The following MAP9 variants were observed in gnomAD, a reference collection of about 807,000 sequenced individuals.
MAP9 encodes the protein microtubule-associated protein 9.
A neutral mutation model predicts 75.2 loss-of-function variants in MAP9; 80 were observed. That is an observed-to-expected ratio of 1.06 (90% confidence interval 0.89 to 1.28). The LOEUF is 1.28. Ranked by LOEUF, MAP9 falls within the 50% of genes most tolerant of loss-of-function variation. The pLI, the probability that MAP9 is intolerant of heterozygous loss-of-function variation, is 0.00. For missense variants in MAP9, 753 were observed against 719.9 expected (o/e 1.05, Z -0.53); for synonymous variants, 235 against 237.3 (o/e 0.99, Z 0.09).
chr4:155,354,970 T>C, intron 10 of MAP9, 101 bp downstream of exon 10: 1 of 524,868 alleles, frequency 1.9e-6, no homozygotes, highest in Non-Finnish European at 3.4e-6. Flanking sequence ...ATATACAAGT[T>C]ATTTTGCCAT....
chr4:155,353,908 T>C (rs1205755791), intron 10 of MAP9, among the ~76,000 whole-genome samples: 1 of 152,208 alleles, frequency 6.6e-6, no homozygotes, highest in Non-Finnish European at 1.5e-5. Flanking sequence ...GCAAGTTATG[T>C]TATTATTTTA....
chr4:155,374,927 T>G lies in MAP9; in HGVS notation c.160+10A>C. ...AGAAAAGTGGTTCACGTTTCCATACTGTCACATACCAATCTCATCACTGTC... is the reference window on the plus strand; with the variant it reads ...AGAAAAGTGGTTCACGTTTCCATACGGTCACATACCAATCTCATCACTGTC... On this transcript the variant is annotated intron_variant, in intron 3 of 13. Transcript: ENST00000311277. 1 of 1,519,128 alleles carries G rather than the reference T, an allele frequency of 6.6e-7. No individual in the cohort carries two copies. Among genetic ancestry groups the G allele is most frequent in the Non-Finnish European group, 9.0e-7 (1 of 1,115,814 alleles). The allele number at this position is 1,519,128 out of a possible 1,614,324, so 94.1% of individuals were successfully genotyped here. A position where few individuals can be genotyped will look rare whatever the true frequency, so the allele number is the denominator to read the frequency against.
In MAP9 at chr4:155,355,933, T is replaced by A. The variant is rs773040705; in HGVS notation, c.1122-49A>T. 6.7e-6 allele frequency: 10 copies of A among 1,491,154 alleles called. No individual in the cohort carries two copies. In the Admixed American group the frequency reaches 9.0e-5, roughly 13 times the overall value. The allele number at this position is 1,491,154 out of a possible 1,614,324, so 92.4% of individuals were successfully genotyped here. ...GACAAAATATTACAATTGCATTTGG[T>A]AGAAGAGAGATCTGTTAGAATATGC... On this transcript the variant is annotated intron_variant, in intron 8 of 13. Transcript: ENST00000311277.
At position 155,348,241 on chromosome 4, in the gene MAP9, A is replaced by G. The variant is rs1578828006; in HGVS notation, c.1822-336T>C. On this transcript the variant is annotated intron_variant, in intron 13 of 13. Transcript: ENST00000311277. Reference sequence around the variant, plus strand: ...AGTCCCACCTACTTAGGAGGCTGAGATGGGAGGATTGCTTGAGCCTGGGAG... The same window carrying G: ...AGTCCCACCTACTTAGGAGGCTGAGGTGGGAGGATTGCTTGAGCCTGGGAG... Among the ~76,000 whole-genome samples, 3 of 137,376 alleles carry G rather than the reference A, an allele frequency of 2.2e-5. No homozygotes were observed. The East Asian group carries it at 6.2e-4, about 28-fold the overall frequency. The allele number at this position is 137,376 out of a possible 152,430, so 90.1% of individuals were successfully genotyped here.
intron 4 of MAP9, among the ~76,000 whole-genome samples, chr4:155,371,533 T>A (rs1161009517): frequency 2.7e-5 from 4 of 148,518 alleles, no homozygotes; most frequent in African/African-American, 7.6e-5. Context: ...GAAAAAAAAA[T>A]GCCTATACTT....
At chr4:155,353,378 A>T (rs201165592) in intron 10 of MAP9, 38 bp from the exon 11 acceptor site, 1 of 1,457,978 alleles carries the variant, frequency 6.9e-7, no homozygotes, top group South Asian at 1.5e-5. Context: ...ATACATATAT[A>T]TGTATATATA....
chr4:155,351,779 T>A (rs1731523156), intron 13 of MAP9, among the ~76,000 whole-genome samples: 1 of 151,840 alleles, frequency 6.6e-6, no homozygotes, highest in Non-Finnish European at 1.5e-5. Context: ...CCTGGATGAT[T>A]TAGTTGATTG....
chr4:155,353,381 T>C (rs1014391410), intron 10 of MAP9, 41 bp from the exon 11 acceptor site: 10 of 1,396,528 alleles, frequency 7.2e-6, no homozygotes, highest in African/African-American at 1.5e-5. Context: ...CATATATATG[T>C]ATATATACAT....
intron 5 of MAP9, among the ~76,000 whole-genome samples, chr4:155,364,880 T>G (rs1333837058): frequency 6.6e-6 from 1 of 151,284 alleles, no homozygotes; most frequent in Non-Finnish European, 1.5e-5. Context: ...TGCAAACAAA[T>G]ATAGATAAAA....
chr4:155,364,030 C>T (rs980282450), intron 5 of MAP9, among the ~76,000 whole-genome samples: 1 of 151,910 alleles, frequency 6.6e-6, no homozygotes, highest in Non-Finnish European at 1.5e-5. Context: ...GAAAGCTAGA[C>T]CCAGGCACCA....
intron 5 of MAP9, chr4:155,362,518 T>C (rs572801393): frequency 6.3e-6 from 1 of 158,064 alleles, no homozygotes; most frequent in East Asian, 1.9e-4. Flanking sequence ...AAGGAAAGCA[T>C]AAAGAAGACA....
intron 7 of MAP9, among the ~76,000 whole-genome samples, chr4:155,358,223 T>C (rs1174420262): frequency 6.6e-6 from 1 of 152,224 alleles, no homozygotes; most frequent in African/African-American, 2.4e-5. Flanking sequence ...TAGAATTGCC[T>C]CTATTAGACA....
At chr4:155,348,935 C>T (rs1731387658) in intron 13 of MAP9, among the ~76,000 whole-genome samples, 1 of 152,058 alleles carries the variant, frequency 6.6e-6, no homozygotes, top group Non-Finnish European at 1.5e-5. Context: ...TTTAAAATCC[C>T]AACACACAGA....
intron 8 of MAP9, among the ~76,000 whole-genome samples, 153 bp from the exon 9 acceptor site, chr4:155,356,037 G>A (rs996538781): frequency 1.3e-5 from 2 of 152,174 alleles, no homozygotes; most frequent in Non-Finnish European, 2.9e-5. Flanking sequence ...AAAGTGGGTG[G>A]ATGACTTGAG....
intron 13 of MAP9, 183 bp downstream of exon 13, chr4:155,352,413 A>G (rs1312818085): frequency 7.3e-6 from 4 of 550,578 alleles, no homozygotes; most frequent in Non-Finnish European, 1.2e-5. Flanking sequence ...TAGTAGAAAC[A>G]TTAATAGAAA....
chr4:155,357,662 T>A (rs1731857041), intron 7 of MAP9, 143 bp from the exon 8 acceptor site: 1 of 618,522 alleles, frequency 1.6e-6, no homozygotes, highest in South Asian at 1.8e-5. Context: ...AATCAGTGAA[T>A]AAAATGCCCT....
At chr4:155,370,797 A>C (rs969416208) in intron 4 of MAP9, among the ~76,000 whole-genome samples, 5 of 152,234 alleles carry the variant, frequency 3.3e-5, no homozygotes, top group Admixed American at 1.3e-4. Context: ...ATACCTGCTG[A>C]GCATGTTTAT....
At chr4:155,349,306 G>GAGAAAAAAATGCATGAGGACTAAGA (rs1560800871) in intron 13 of MAP9, 13 of 152,208 alleles carry the variant, frequency 8.5e-5, no homozygotes, top group East Asian at 1.9e-4. Context: ...GGCACCAGGT[G>GAGAAAAAAATGCATGAGGACTAAGA]TCCCTTTATG....
At chr4:155,373,715 C>A (rs1396592826) in intron 3 of MAP9, among the ~76,000 whole-genome samples, 1 of 152,130 alleles carries the variant, frequency 6.6e-6, no homozygotes, top group African/African-American at 2.4e-5. Context: ...GGGTACCAAA[C>A]AACCAAACAC....
Sources: allele counts gnomAD v4.1 joint callset (sites outside exome capture counted in the v4.1 genomes callset), GRCh38; gene constraint gnomAD v4.1.1; transcripts MANE v1.5; gene names NCBI Gene and HGNC (gene_info 2026-07-23, HGNC 2026-07-21).